Variants in PLSCR2 observed in about 807,000 individuals in gnomAD.
The protein encoded by PLSCR2 is phospholipid scramblase 2, also known as PL scramblase 2.
PLSCR2 carries 18 observed loss-of-function variants against 25.3 expected under a neutral mutation model. The observed-to-expected ratio is 0.71, with a 90% CI of 0.49 to 1.06. The LOEUF is 1.06. Ranked by LOEUF, PLSCR2 falls within the 50% of genes least tolerant of loss-of-function variation. PLSCR2 has a pLI of 0.00. For missense variants in PLSCR2, 243 were observed against 269.5 expected, an observed-to-expected ratio of 0.90 and a Z score of 0.69; for synonymous variants, 88 against 87.3, an observed-to-expected ratio of 1.01 and a Z score of -0.04.
At chr3:146,412,883 G>A (rs1326327833) in intron 2 of PLSCR2, among the ~76,000 whole-genome samples, 1 of 152,186 alleles carries the variant, frequency 6.6e-6, no homozygotes, top group East Asian at 1.9e-4. Context: ...TACAGAACAG[G>A]TGACTCAGGA....
intron 1 of PLSCR2, among the ~76,000 whole-genome samples, chr3:146,466,134 A>G (rs914233969): frequency 2.8e-4 from 43 of 152,200 alleles, no homozygotes; most frequent in African/African-American, 1.0e-3. Flanking sequence ...TATGCTTAGA[A>G]CCAATGTAAG....
At chr3:146,433,585 C>A (rs2039639618) in intron 8 of PLSCR2, 68 bp from the exon 8 acceptor site, 1 of 152,042 alleles carries the variant, frequency 6.6e-6, no homozygotes. Context: ...TACCTCTAAT[C>A]CTCATTTTGG....
At chr3:146,391,482 C>T (rs1239420943) in exon 4 of PLSCR2, 1 of 152,526 alleles carries the variant, frequency 6.6e-6, no homozygotes, top group African/African-American at 2.4e-5. Context: ...TTGTTGAGGG[C>T]TGGCAAAAAT....
intron 1 of PLSCR2, among the ~76,000 whole-genome samples, chr3:146,493,352 T>G (rs1246382941): frequency 8.5e-5 from 13 of 152,080 alleles, no homozygotes. Context: ...ATGAAAATCT[T>G]CAGAACAATA....
At chr3:146,393,149 C>T (rs1025822545) in intron 3 of PLSCR2, among the ~76,000 whole-genome samples, 40 of 151,042 alleles carry the variant, frequency 2.6e-4, no homozygotes, top group African/African-American at 9.0e-4. Flanking sequence ...CTGCCTCAGC[C>T]TCCCAAGTAG....
chr3:146,429,476 G>A (rs1284209552), downstream of PLSCR2, among the ~76,000 whole-genome samples: 1 of 152,126 alleles, frequency 6.6e-6, no homozygotes. Flanking sequence ...CATGACCCTG[G>A]ACTTTGTGGA....
chr3:146,448,068 G>A (rs2040669281), intron 6 of PLSCR2, among the ~76,000 whole-genome samples: 1 of 152,126 alleles, frequency 6.6e-6, no homozygotes, highest in African/African-American at 2.4e-5. Flanking sequence ...TGGGGGAGGA[G>A]TGATTTAGGT....
At chr3:146,479,010 G>A (rs1042362006) in intron 1 of PLSCR2, among the ~76,000 whole-genome samples, 2 of 152,070 alleles carry the variant, frequency 1.3e-5, no homozygotes, top group African/African-American at 4.8e-5. Flanking sequence ...CATAAGTAAA[G>A]GAGAAATAAA....
intron 2 of PLSCR2, among the ~76,000 whole-genome samples, chr3:146,423,164 C>T (rs1330767582): frequency 1.3e-5 from 2 of 150,854 alleles, no homozygotes; most frequent in South Asian, 2.1e-4. Context: ...TATGTCCTTA[C>T]ACTATTGTGG....
chr3:146,474,192 A>T (rs1250037367), intron 1 of PLSCR2, among the ~76,000 whole-genome samples: 1 of 152,212 alleles, frequency 6.6e-6, no homozygotes, highest in African/African-American at 2.4e-5. Flanking sequence ...ACTTGTGGTT[A>T]TAGAATCTAT....
chr3:146,398,719 C>A (rs1045897938), intron 2 of PLSCR2: 1 of 152,104 alleles, frequency 6.6e-6, no homozygotes, highest in Non-Finnish European at 1.5e-5. Flanking sequence ...ATTTTCATTA[C>A]GTCCTCCTTA....
At chr3:146,472,803 T>A (rs1457273448) in intron 1 of PLSCR2, among the ~76,000 whole-genome samples, 2 of 152,204 alleles carry the variant, frequency 1.3e-5, no homozygotes, top group Admixed American at 1.3e-4. Context: ...CAAAATGGCA[T>A]AGTCTGGGTG....
At chr3:146,491,842 C>T (rs749784767) in intron 1 of PLSCR2, among the ~76,000 whole-genome samples, 1 of 152,154 alleles carries the variant, frequency 6.6e-6, no homozygotes, top group Non-Finnish European at 1.5e-5. Context: ...TCTGTCACTT[C>T]AGCCATTTCA....
chr3:146,432,971 T>C (rs562229262), downstream of PLSCR2, among the ~76,000 whole-genome samples: 107 of 152,344 alleles, frequency 7.0e-4, no homozygotes, highest in African/African-American at 2.5e-3. Context: ...CTCCAACTGA[T>C]TTCTCCTTCT....
chr3:146,429,731 T>C (rs1267532631), downstream of PLSCR2, among the ~76,000 whole-genome samples: 1 of 152,090 alleles, frequency 6.6e-6, no homozygotes, highest in Non-Finnish European at 1.5e-5. Context: ...GTTCATGCCA[T>C]TCTCCTGCCT....
chr3:146,393,434 C>T (rs1011990169), intron 3 of PLSCR2, among the ~76,000 whole-genome samples: 10 of 151,900 alleles, frequency 6.6e-5, no homozygotes, highest in Admixed American at 2.0e-4. Context: ...TCTAATTTGT[C>T]GAGACTTGCT....
chr3:146,423,280 T>TCC (rs1283794654), intron 2 of PLSCR2, among the ~76,000 whole-genome samples: 13 of 132,630 alleles, frequency 9.8e-5, no homozygotes, highest in African/African-American at 3.7e-4. Context: ...TCTCTCTCTC[T>TCC]CTCCCTGGCT....
intron 6 of PLSCR2, among the ~76,000 whole-genome samples, chr3:146,443,881 T>C (rs535604426): frequency 9.2e-5 from 14 of 152,106 alleles, no homozygotes; most frequent in African/African-American, 3.4e-4. Context: ...TCTACTTTTT[T>C]GATATGGGGG....
intron 2 of PLSCR2, among the ~76,000 whole-genome samples, chr3:146,425,960 A>C (rs934177894): frequency 6.6e-6 from 1 of 152,154 alleles, no homozygotes; most frequent in Non-Finnish European, 1.5e-5. Context: ...GCTTTGAGAC[A>C]ATGTAAATAC....
Sources: allele counts gnomAD v4.1 joint callset (sites outside exome capture counted in the v4.1 genomes callset), GRCh38; gene constraint gnomAD v4.1.1; transcripts MANE v1.5; gene names NCBI Gene and HGNC (gene_info 2026-07-23, HGNC 2026-07-21).